The following ABCA12 variants were observed in gnomAD, a reference collection of about 807,000 sequenced individuals.
The protein encoded by ABCA12 is glucosylceramide transporter ABCA12.
ABCA12 carries 156 observed loss-of-function variants against 293.5 expected under a neutral mutation model. The observed-to-expected ratio is 0.53, with a 90% CI of 0.47 to 0.61. The LOEUF is 0.61. ABCA12 is among the 20% of genes least tolerant of loss of function. The pLI is 0.00. For synonymous variants in ABCA12, 1,063 were observed against 1,108.0 expected (o/e 0.96, Z 0.81); for missense variants, 2,797 against 3,090.2 (o/e 0.91, Z 2.25).
chr2:215,134,505 CGTATGTATATGT>C (rs368588402), intron 1 of ABCA12, among the ~76,000 whole-genome samples: 4 of 88,642 alleles, frequency 4.5e-5, no homozygotes, highest in African/African-American at 6.6e-5. Context: ...CACATATATG[CGTATGTATATGT>C]GTATATATAC....
chr2:215,121,885 CT>C (rs1460036517), intron 1 of ABCA12, among the ~76,000 whole-genome samples: 1 of 152,148 alleles, frequency 6.6e-6, no homozygotes, highest in Non-Finnish European at 1.5e-5. Flanking sequence ...GAATGTGAGG[CT>C]TCCCCAGCCA....
chr2:215,033,456 T>G (rs1015262451), intron 8 of ABCA12, among the ~76,000 whole-genome samples: 1 of 152,140 alleles, frequency 6.6e-6, no homozygotes, highest in African/African-American at 2.4e-5. Context: ...AATAGAAAAT[T>G]AACTTTATAT....
At position 214,979,000 on chromosome 2, in the gene ABCA12, G is replaced by A. The variant is rs781131695; in HGVS notation, c.4781C>T (p.Ala1594Val). The A allele has an allele frequency of 2.5e-6, 4 of 1,614,042 alleles. No homozygotes were observed. Among genetic ancestry groups the A allele is most frequent in the Non-Finnish European group, 3.4e-6 (4 of 1,179,962 alleles). Reference protein sequence around the residue: ...LNANAVCDTMAVTAMIQSHLP... With the variant: ...LNANAVCDTMVVTAMIQSHLP... ...ATGTGATTGGATCATTGCTGTCACG[G>A]CCATGGTGTCACATACTGCATTTGC... Residue 1594 changes from alanine to valine, a missense_variant, in exon 32 of 53, where the codon GCC (alanine) becomes GTC (valine). By Grantham distance (64) the Ala-to-Val change is moderately conservative. Coordinates refer to ENST00000272895, the MANE Select transcript of ABCA12 (RefSeq NM_173076.3).
intron 7 of ABCA12, among the ~76,000 whole-genome samples, chr2:215,040,792 A>G (rs1308299181): frequency 1.3e-5 from 2 of 151,954 alleles, no homozygotes; most frequent in Non-Finnish European, 2.9e-5. Context: ...AGACTGGGCC[A>G]CAGAGGGAGA....
chr2:215,036,794 C>T (rs1701004173), intron 8 of ABCA12, among the ~76,000 whole-genome samples, 159 bp downstream of exon 8: 1 of 152,094 alleles, frequency 6.6e-6, no homozygotes, highest in Non-Finnish European at 1.5e-5. Flanking sequence ...CTCCCTTTCT[C>T]CACACTTTGA....
At chr2:215,054,812 C>G in intron 3 of ABCA12, 148 bp from the exon 4 acceptor site, 1 of 643,580 alleles carries the variant, frequency 1.6e-6, no homozygotes, top group Non-Finnish European at 2.8e-6. Context: ...TTCACCTAAC[C>G]ACACACCAAT....
intron 5 of ABCA12, among the ~76,000 whole-genome samples, chr2:215,050,362 C>T (rs962198485): frequency 6.6e-6 from 1 of 151,954 alleles, no homozygotes; most frequent in African/African-American, 2.4e-5. Flanking sequence ...AAAAGGAAAA[C>T]GTATGTGAAA....
intron 2 of ABCA12, among the ~76,000 whole-genome samples, chr2:215,094,801 C>T (rs1284164744): frequency 1.3e-5 from 2 of 148,392 alleles, no homozygotes; most frequent in African/African-American, 5.1e-5. Context: ...CCCATCAATC[C>T]CCATTACAAC....
chr2:215,084,956 T>C (rs993949223), intron 2 of ABCA12, among the ~76,000 whole-genome samples: 6 of 151,748 alleles, frequency 4.0e-5, no homozygotes, highest in Admixed American at 1.3e-4. Context: ...TAGCTGGGCA[T>C]GGTGGCACAC....
Position 215,019,725 on chromosome 2 carries a change from G to A in ABCA12, c.1359C>T (p.Cys453=). The change falls in exon 12 of 53, where the codon TGC becomes TGT. Residue 453 remains cysteine (C), a synonymous_variant. Transcript: ENST00000272895. ...TCCCAAAGCTCATATCAGAGAGCTG[G>A]CATGACTTCTCTATCAAACTGAAAG... ...SETFSLIEKS[C]QLSDMSFGSL... The A allele has an allele frequency of 3.1e-6, 5 of 1,614,076 alleles. No individual in the cohort carries two copies. The highest frequency in any genetic ancestry group is 4.2e-6 in the Non-Finnish European group (5 of 1,179,996).
chr2:215,049,484 A>T, intron 6 of ABCA12, 142 bp downstream of exon 6: 1 of 823,942 alleles, frequency 1.2e-6, no homozygotes. Flanking sequence ...TTAAGATTAA[A>T]CTTTGTGTGC....
intron 45 of ABCA12, among the ~76,000 whole-genome samples, chr2:214,950,362 ATATG>A: frequency 9.6e-6 from 1 of 104,426 alleles, no homozygotes; most frequent in East Asian, 2.6e-4. Flanking sequence ...GTATATATAT[ATATG>A]TGTGTGTATA....
chr2:215,075,308 G>C (rs924593497), intron 2 of ABCA12, among the ~76,000 whole-genome samples: 5 of 152,106 alleles, frequency 3.3e-5, no homozygotes, highest in African/African-American at 1.2e-4. Context: ...ACAGTGTAAA[G>C]TTGTTAGGAG....
chr2:214,978,883 G>A lies in ABCA12; in HGVS notation c.4898C>T (p.Ser1633Leu), dbSNP rs377522776. The A allele has an allele frequency of 7.4e-6, 12 of 1,614,062 alleles. No individual in the cohort carries two copies. Among genetic ancestry groups the A allele is most frequent in the Non-Finnish European group, 1.0e-5 (12 of 1,179,990 alleles). The change falls in exon 32 of 53, where the codon TCA (serine) becomes TTA (leucine). Residue 1633 changes from serine to leucine, a missense_variant. This residue lies in a region of ABCA12 where 2,130 missense variants were observed against 2,427.0 expected (regional missense o/e 0.88). Transcript: ENST00000272895. ...FSTKVSGAYL[S>L]LLRALDNGMG... ...GCCATTGTCGAGTGCCCGTAGGAGTGACAGGTAGGCCCCTGAGACTTTGGT... is the reference window on the plus strand; with the variant it reads ...GCCATTGTCGAGTGCCCGTAGGAGTAACAGGTAGGCCCCTGAGACTTTGGT...
chr2:215,027,033 T>C, intron 9 of ABCA12, 95 bp from the exon 10 acceptor site: 1 of 926,672 alleles, frequency 1.1e-6, no homozygotes, highest in Non-Finnish European at 1.8e-6. Flanking sequence ...TTGGCATTGG[T>C]TGACTTGGAC....
intron 49 of ABCA12, among the ~76,000 whole-genome samples, chr2:214,944,781 T>A (rs1446124670): frequency 6.6e-6 from 1 of 152,126 alleles, no homozygotes; most frequent in Non-Finnish European, 1.5e-5. Context: ...GACTTGCTCC[T>A]ACTACTATAA....
intron 52 of ABCA12, 31 bp downstream of exon 52, chr2:214,934,046 GT>G (rs1559097988): frequency 6.3e-7 from 1 of 1,596,126 alleles, no homozygotes; most frequent in African/African-American, 1.3e-5. Flanking sequence ...AATATGTGAC[GT>G]TGTGCACATG....
chr2:215,016,510 G>A (rs1700504167), intron 14 of ABCA12, among the ~76,000 whole-genome samples: 2 of 142,662 alleles, frequency 1.4e-5, no homozygotes, highest in East Asian at 4.3e-4. Context: ...GAGAACCCGG[G>A]AGGCGGAGCT....
At chr2:215,128,283 G>T (rs1011381411) in intron 1 of ABCA12, among the ~76,000 whole-genome samples, 1 of 152,190 alleles carries the variant, frequency 6.6e-6, no homozygotes, top group African/African-American at 2.4e-5. Context: ...CCTAGGCAAA[G>T]ATCTTTTTGT....
Sources: allele counts gnomAD v4.1 joint callset (sites outside exome capture counted in the v4.1 genomes callset), GRCh38; gene constraint gnomAD v4.1.1; regional missense constraint gnomAD v4.1.1; transcripts MANE v1.5; gene names NCBI Gene and HGNC (gene_info 2026-07-23, HGNC 2026-07-21).